RHPN2: variants seen among roughly 807,000 people sequenced by gnomAD.
RHPN2 encodes the protein rhophilin-2.
RHPN2 carries 40 observed loss-of-function variants against 79.0 expected under a neutral mutation model. The observed-to-expected ratio is 0.51, with a 90% confidence interval of 0.39 to 0.66. The LOEUF (loss-of-function observed/expected upper bound fraction) is 0.66. Among genes scored for constraint, RHPN2 ranks in the 30% least tolerant of loss-of-function variants. RHPN2 has a pLI of 0.00. For missense variants in RHPN2, 686 were observed against 883.5 expected (o/e 0.78, Z 2.83); for synonymous variants, 285 against 363.5 (o/e 0.78, Z 2.46).
chr19:33,063,751 T>C (rs1296089866), intron 1 of RHPN2, among the ~76,000 whole-genome samples: 1 of 152,118 alleles, frequency 6.6e-6, no homozygotes, highest in Non-Finnish European at 1.5e-5. Context: ...CTGACTGTTA[T>C]CTTCTGGGCC....
chr19:32,999,644 C>T lies in RHPN2; in HGVS notation c.1167G>A (p.Met389Ile). Residue 389 changes from methionine to isoleucine, a missense_variant, in exon 10 of 15, where the codon ATG becomes ATA. Coordinates refer to ENST00000254260, the MANE Select transcript of RHPN2 (RefSeq NM_033103.5). The stretch of plus-strand genomic sequence containing the variant: ...TGGCCAAGGGTGTCAGCCCCTCTGG[C>T]ATGTGGTCGTAGAGCTGGGACAGGC... The part of the protein sequence containing the change: ...EKCLSQLYDH[M>I]PEGLTPLATL... 6.2e-7 allele frequency: 1 copy of T among 1,613,304 alleles called. No individual in the cohort carries two copies. Among genetic ancestry groups the T allele is most frequent in the Non-Finnish European group, 8.5e-7 (1 of 1,179,500 alleles).
chr19:33,036,674 T>A (rs975307425), intron 2 of RHPN2, among the ~76,000 whole-genome samples: 1 of 152,088 alleles, frequency 6.6e-6, no homozygotes, highest in Non-Finnish European at 1.5e-5. Context: ...CTGCCCGCGG[T>A]GCTTGCGGGC....
intron 14 of RHPN2, among the ~76,000 whole-genome samples, chr19:32,987,252 C>G (rs1396409868): frequency 6.6e-6 from 1 of 152,110 alleles, no homozygotes; most frequent in African/African-American, 2.4e-5. Context: ...TTCCATCCCC[C>G]TAAAAAGAAA....
rs1555710110 is a variant in RHPN2 at position 32,992,212 on chromosome 19, C to CA, written c.1498-244_1498-243insT. ...GGCATTGTATTAATTATCTTTTTCT[C>CA]TTTTTTTTTGAGACATTGTCTCACT... is the stretch of plus-strand genomic sequence containing the variant. On this transcript the variant is annotated intron_variant, in intron 12 of 14. Transcript: ENST00000254260. 5 of 486,004 alleles carry CA rather than the reference C, an allele frequency of 1.0e-5. No individual in the cohort carries two copies. The East Asian group carries it at 1.9e-4, about 19-fold the overall frequency. 30.1% of individuals were successfully genotyped at this position (486,004 alleles called of 1,614,324 possible).
At position 33,010,509 on chromosome 19, in the gene RHPN2, A is replaced by G. The variant is rs573475118; in HGVS notation, c.593+1170T>C. On this transcript the variant is annotated intron_variant, in intron 6 of 14. Transcript: ENST00000254260. ...GCGATTCTCCTGTCTCAGCCTCCCA[A>G]GTAGCTGCGACTACAAGGCACGCGC... 1.7e-3 allele frequency among the ~76,000 whole-genome samples: 265 copies of G among 151,466 alleles called. 1 individual carries two copies. In the South Asian group the frequency reaches 0.021, roughly 12 times the overall value.
intron 9 of RHPN2, among the ~76,000 whole-genome samples, chr19:33,000,020 C>T (rs553972086): frequency 6.6e-6 from 1 of 152,216 alleles, no homozygotes; most frequent in Non-Finnish European, 1.5e-5. Context: ...AGACATGCAC[C>T]ACCACATGCC....
At chr19:33,056,047 T>C (rs1033653090) in intron 1 of RHPN2, among the ~76,000 whole-genome samples, 1 of 151,832 alleles carries the variant, frequency 6.6e-6, no homozygotes, top group Non-Finnish European at 1.5e-5. Flanking sequence ...GGCCTTTCAA[T>C]GGCCCTGGGG....
At chr19:33,028,416 G>C (rs7246002) in intron 2 of RHPN2, among the ~76,000 whole-genome samples, 81,374 of 151,996 alleles carry the variant, frequency 0.54, 25,650 homozygotes, top group African/African-American at 0.87. Flanking sequence ...CTCAGCCTCC[G>C]AAAGTGCTGA....
intron 1 of RHPN2, among the ~76,000 whole-genome samples, chr19:33,056,977 G>A (rs7343107): frequency 1.9e-4 from 29 of 150,470 alleles, no homozygotes; most frequent in African/African-American, 3.7e-4. Context: ...AAAATTAGCC[G>A]GACATGGTGG....
At chr19:33,044,079 C>A (rs562540772) in intron 2 of RHPN2, among the ~76,000 whole-genome samples, 170 bp downstream of exon 2, 3 of 148,274 alleles carry the variant, frequency 2.0e-5, no homozygotes, top group South Asian at 2.2e-4. Context: ...CACAAACAGG[C>A]GGGGTAAAAT....
chr19:32,996,205 C>T lies in RHPN2; in HGVS notation c.1241G>A (p.Arg414His), dbSNP rs564794525. Residue 414 changes from arginine (R) to histidine (H), a missense_variant, in exon 11 of 15, where the codon CGC (arginine) becomes CAC (histidine). Coordinates refer to ENST00000254260, the MANE Select transcript of RHPN2 (RefSeq NM_033103.5). ...CTCCTCGTGATGAGCCATGGCTCTG[C>T]GCAAGTGGGACTTCCCTGCAGACGG... is the stretch of plus-strand genomic sequence containing the variant. Reference protein sequence around the residue: ...QRRQLGKSHLRRAMAHHEESV... With the variant: ...QRRQLGKSHLHRAMAHHEESV... The T allele has an allele frequency of 1.0e-4, 165 of 1,614,112 alleles. 1 individual carries two copies. The East Asian group carries it at 3.2e-3, about 32-fold the overall frequency.
intron 1 of RHPN2, among the ~76,000 whole-genome samples, chr19:33,062,326 T>C (rs1008831329): frequency 3.3e-5 from 5 of 151,646 alleles, no homozygotes; most frequent in African/African-American, 1.2e-4. Context: ...CCAGGCGTGG[T>C]TGATATGCGC....
At position 33,002,422 on chromosome 19, in the gene RHPN2, T is replaced by C; in HGVS notation, c.949-19A>G. On this transcript the variant is annotated intron_variant, in intron 8 of 14. Coordinates refer to ENST00000254260, the MANE Select transcript of RHPN2 (RefSeq NM_033103.5). Reference sequence around the variant, plus strand: ...CTCCCACCTGAAATAGAAGGGACACTGGGAAGGGGCAGCCCGGCACAAGGG... The same window carrying C: ...CTCCCACCTGAAATAGAAGGGACACCGGGAAGGGGCAGCCCGGCACAAGGG... 6.2e-7 allele frequency: 1 copy of C among 1,613,730 alleles called. No homozygotes were observed. The highest frequency in any genetic ancestry group is 1.7e-5 in the Admixed American group (1 of 60,006).
chr19:33,005,932 C>T (rs996976336), intron 7 of RHPN2, among the ~76,000 whole-genome samples: 4 of 152,008 alleles, frequency 2.6e-5, no homozygotes, highest in African/African-American at 4.8e-5. Context: ...CTTGCTCTGT[C>T]GCCCAAGCTG....
intron 2 of RHPN2, among the ~76,000 whole-genome samples, chr19:33,034,899 G>C (rs1196935116): frequency 4.0e-5 from 6 of 151,886 alleles, no homozygotes; most frequent in Admixed American, 3.9e-4. Context: ...AGGAGTTCAA[G>C]ACCAGCCGAA....
intron 5 of RHPN2, 27 bp from the exon 6 acceptor site, chr19:33,011,830 A>G: frequency 3.7e-6 from 6 of 1,613,888 alleles, no homozygotes; most frequent in Non-Finnish European, 4.2e-6. Context: ...CCAAGAGGGC[A>G]TGAGCAGAGG....
chr19:32,985,092 G>A (rs1333577324), intron 14 of RHPN2, among the ~76,000 whole-genome samples: 4 of 151,546 alleles, frequency 2.6e-5, no homozygotes, highest in South Asian at 2.1e-4. Flanking sequence ...TCTGCCTCCT[G>A]GGTTCAAGCA....
chr19:32,985,548 G>A (rs1252356916), intron 14 of RHPN2, among the ~76,000 whole-genome samples: 2 of 152,106 alleles, frequency 1.3e-5, no homozygotes, highest in Admixed American at 6.6e-5. Context: ...GAGATGGGAG[G>A]ATCACGTAAG....
intron 14 of RHPN2, among the ~76,000 whole-genome samples, chr19:32,982,432 TAAATA>T (rs947007321): frequency 4.6e-5 from 7 of 151,766 alleles, no homozygotes; most frequent in Middle Eastern, 3.4e-3. Context: ...AATAAATAAA[TAAATA>T]AAATAAACCC....
Sources: gnomAD v4.1 joint callset for allele counts (sites outside exome capture counted in the v4.1 genomes callset) on GRCh38, gnomAD v4.1.1 for gene constraint, MANE v1.5 for transcripts, NCBI Gene and HGNC (gene_info 2026-07-23, HGNC 2026-07-21) for gene names.